Variants in FAP observed in about 807,000 individuals in gnomAD.
The protein encoded by FAP is fibroblast activation protein alpha.
A neutral mutation model predicts 126.5 loss-of-function variants in FAP; 110 were observed. The observed-to-expected ratio is 0.87, with a 90% confidence interval of 0.74 to 1.02. FAP has a LOEUF of 1.02. FAP is among the 50% of genes least tolerant of loss of function. The pLI, the probability that FAP is intolerant of heterozygous loss-of-function variation, is 0.00. For synonymous variants in FAP, 334 were observed against 297.3 expected, an observed-to-expected ratio of 1.12 and a Z score of -1.27; for missense variants, 919 against 909.2, an observed-to-expected ratio of 1.01 and a Z score of -0.14.
chr2:162,215,110 A>C (rs1332072533), intron 10 of FAP, among the ~76,000 whole-genome samples: 1 of 152,216 alleles, frequency 6.6e-6, no homozygotes, highest in African/African-American at 2.4e-5. Context: ...AAAAATATAA[A>C]GTCATGTTTG....
Position 162,237,606 on chromosome 2 carries a change from G to A in FAP, c.91+5302C>T, listed in dbSNP as rs191488731. 3.6e-3 allele frequency among the ~76,000 whole-genome samples: 555 copies of A among 152,310 alleles called. 2 individuals are homozygous for A. The highest frequency in any genetic ancestry group is 0.013 in the African/African-American group (520 of 41,566). On this transcript the variant is annotated intron_variant, in intron 2 of 25. Coordinates refer to ENST00000188790, the MANE Select transcript of FAP (RefSeq NM_004460.5). Reference sequence around the variant, plus strand: ...TTTCTTTATCCAGTCTATCATTGATGGGCATTTGGGTTGGTTCCAAGTTTT... The same window carrying A: ...TTTCTTTATCCAGTCTATCATTGATAGGCATTTGGGTTGGTTCCAAGTTTT...
intron 2 of FAP, among the ~76,000 whole-genome samples, chr2:162,231,880 G>A (rs1421157954): frequency 1.3e-5 from 2 of 152,180 alleles, no homozygotes; most frequent in Non-Finnish European, 2.9e-5. Context: ...ATGGCTGGCA[G>A]GTCCTTTTGT....
chr2:162,176,468 A>C (rs892668643), intron 21 of FAP: 1 of 152,172 alleles, frequency 6.6e-6, no homozygotes, highest in Non-Finnish European at 1.5e-5. Context: ...TATATTTTAA[A>C]AACAGAAGAT....
In FAP at chr2:162,202,912, A is replaced by G; in HGVS notation, c.1183T>C (p.Trp395Arg). 3 of 1,613,764 alleles carry G rather than the reference A, an allele frequency of 1.9e-6. No individual in the cohort carries two copies. Among genetic ancestry groups the G allele is most frequent in the Non-Finnish European group, 2.5e-6 (3 of 1,179,680 alleles). ...ACTCTGAATATATTTATGGCCTCCCACTTGCCACTTGTAATTTGAATAGCA... is the reference window on the plus strand; with the variant it reads ...ACTCTGAATATATTTATGGCCTCCCGCTTGCCACTTGTAATTTGAATAGCA... ...ENAIQITSGK[W>R]EAINIFRVTQ... The change falls in exon 14 of 26, where the codon TGG (tryptophan) becomes CGG (arginine). Residue 395 changes from tryptophan to arginine, a missense_variant. Coordinates refer to ENST00000188790, the MANE Select transcript of FAP (RefSeq NM_004460.5).
intron 2 of FAP, among the ~76,000 whole-genome samples, chr2:162,238,110 T>G (rs549892632): frequency 1.3e-5 from 2 of 152,280 alleles, no homozygotes; most frequent in East Asian, 3.9e-4. Flanking sequence ...CTTTGTCAGG[T>G]GGAGAGATTG....
chr2:162,189,010 C>T (rs1687948923), intron 19 of FAP, 93 bp downstream of exon 19: 4 of 705,040 alleles, frequency 5.7e-6, no homozygotes, highest in Non-Finnish European at 9.4e-6. Flanking sequence ...GGCACTGTTA[C>T]CAAGGAGAAT....
chr2:162,242,660 G>C (rs953264624), intron 2 of FAP, among the ~76,000 whole-genome samples: 1 of 152,092 alleles, frequency 6.6e-6, no homozygotes, highest in Non-Finnish European at 1.5e-5. Flanking sequence ...TGGGGGTGAT[G>C]CAGCATAGTT....
intron 22 of FAP, among the ~76,000 whole-genome samples, chr2:162,174,475 G>A (rs928798860): frequency 6.6e-6 from 1 of 152,196 alleles, no homozygotes; most frequent in East Asian, 1.9e-4. Context: ...CAATGGAACT[G>A]GCAATTGCTA....
At chr2:162,183,215 G>C (rs1687750872) in intron 21 of FAP, among the ~76,000 whole-genome samples, 199 bp downstream of exon 21, 2 of 151,826 alleles carry the variant, frequency 1.3e-5, no homozygotes, top group Non-Finnish European at 2.9e-5. Context: ...TACTGTACAG[G>C]GAAGAAAAGA....
chr2:162,241,929 T>G (rs2106310384), intron 2 of FAP, among the ~76,000 whole-genome samples: 1 of 152,270 alleles, frequency 6.6e-6, no homozygotes, highest in South Asian at 2.1e-4. Flanking sequence ...TCGAAAACAT[T>G]TTTCTATGTT....
intron 16 of FAP, chr2:162,197,716 T>TATGAG: frequency 2.2e-6 from 1 of 450,666 alleles, no homozygotes; most frequent in Non-Finnish European, 4.5e-6. Flanking sequence ...TGGTTCCCTT[T>TATGAG]ATGAGATCTT....
At chr2:162,189,559 C>T (rs1576146448) in intron 18 of FAP, 97 bp downstream of exon 18, 1 of 659,818 alleles carries the variant, frequency 1.5e-6, no homozygotes, top group East Asian at 2.8e-5. Flanking sequence ...TAATAGATCG[C>T]AGAATTTGCA....
chr2:162,172,678 A>G, intron 25 of FAP, 133 bp downstream of exon 25: 2 of 616,558 alleles, frequency 3.2e-6, no homozygotes, highest in East Asian at 2.8e-5. Context: ...TCATTTGCTA[A>G]TGTTCTGCCT....
intron 1 of FAP, 29 bp from the exon 2 acceptor site, chr2:162,243,021 C>T (rs775536929): frequency 1.4e-5 from 21 of 1,543,900 alleles, no homozygotes; most frequent in Non-Finnish European, 1.6e-5. Flanking sequence ...ATTAGGCATA[C>T]ACACAGTTCC....
At chr2:162,199,982 C>T (rs937612300) in intron 15 of FAP, among the ~76,000 whole-genome samples, 10 of 152,252 alleles carry the variant, frequency 6.6e-5, no homozygotes, top group African/African-American at 1.9e-4. Context: ...CTTCATAGTG[C>T]TGTTGGAATT....
At chr2:162,216,094 G>A (rs1689151560) in intron 9 of FAP, 93 bp from the exon 10 acceptor site, 1 of 883,232 alleles carries the variant, frequency 1.1e-6, no homozygotes, top group African/African-American at 1.7e-5. Flanking sequence ...ATTTTTCTAA[G>A]CGAACAATCT....
rs114179274 is a variant in FAP, at chr2:162,188,296, T to C, written c.1687A>G (p.Ser563Gly). 8.9e-5 allele frequency: 143 copies of C among 1,613,308 alleles called. No homozygotes were observed. The highest frequency in any genetic ancestry group is 1.2e-4 in the Non-Finnish European group (136 of 1,179,542). The change falls in exon 20 of 26, where the codon AGT becomes GGT. Residue 563 changes from serine (S) to glycine (G), a missense_variant. Transcript: ENST00000188790. ...FAVNWISYLA[S>G]KEGMVIALVD... ...AAGGCAATGACCATCCCTTCCTTAC[T>C]TGCAAGATAAGATATCCAATTAACA...
At chr2:162,235,385 A>G (rs1238706952) in intron 2 of FAP, among the ~76,000 whole-genome samples, 1 of 152,182 alleles carries the variant, frequency 6.6e-6, no homozygotes, top group African/African-American at 2.4e-5. Context: ...TCCTGAGGTT[A>G]GTGGGGACTT....
At chr2:162,234,925 C>T (rs754894676) in intron 2 of FAP, among the ~76,000 whole-genome samples, 10 of 152,080 alleles carry the variant, frequency 6.6e-5, no homozygotes, top group South Asian at 6.2e-4. Context: ...TCTGGGTGGG[C>T]GTGGGCTTGG....
Sources: gnomAD v4.1 joint callset for allele counts (sites outside exome capture counted in the v4.1 genomes callset) on GRCh38, gnomAD v4.1.1 for gene constraint, MANE v1.5 for transcripts, NCBI Gene and HGNC (gene_info 2026-07-23, HGNC 2026-07-21) for gene names.